The following KLB variants were observed in gnomAD, a reference collection of about 807,000 sequenced individuals.
The protein encoded by KLB is beta-klotho.
Under a neutral mutation model 88.4 loss-of-function variants are expected in KLB, and 44 were observed. That is an observed-to-expected ratio of 0.50 (90% confidence interval 0.39 to 0.64). KLB has a LOEUF of 0.64. Ranked by LOEUF, KLB falls within the 30% of genes least tolerant of loss-of-function variation. The pLI, the probability that KLB is intolerant of heterozygous loss-of-function variation, is 0.00. For synonymous variants in KLB, 548 were observed against 513.4 expected, an observed-to-expected ratio of 1.07 and a Z score of -0.91; for missense variants, 1,137 against 1,304.8, an observed-to-expected ratio of 0.87 and a Z score of 1.98.
intron 1 of KLB, among the ~76,000 whole-genome samples, chr4:39,418,756 T>G (rs1743015063): frequency 6.6e-6 from 1 of 151,488 alleles, no homozygotes; most frequent in Non-Finnish European, 1.5e-5. Context: ...AAGATTAGAC[T>G]GGCCTACATG....
intron 1 of KLB, among the ~76,000 whole-genome samples, chr4:39,428,406 C>G (rs1380089471): frequency 1.4e-5 from 2 of 137,982 alleles, no homozygotes; most frequent in Non-Finnish European, 3.1e-5. Context: ...CCAGCCTAGG[C>G]AACAAGAGTG....
Position 39,449,427 on chromosome 4 carries a change from C to T in KLB, c.*741C>T, listed in dbSNP as rs1743840756. 6.6e-6 allele frequency: 1 copy of T among 151,702 alleles called. No homozygotes were observed. The highest frequency in any genetic ancestry group is 2.1e-4 in the South Asian group (1 of 4,812). The allele number at this position is 151,702 out of a possible 1,614,324, so 9.4% of individuals were successfully genotyped here. A position where few individuals can be genotyped will look rare whatever the true frequency, so the allele number is the denominator to read the frequency against. On this transcript the variant is annotated 3_prime_UTR_variant, in exon 5 of 5. Transcript: ENST00000257408. ...TAGTCAGTGATAGATAATATATATT[C>T]TGTCACTTCTAATAAGGTGCCTTCT...
At position 39,446,694 on chromosome 4, in the gene KLB, G is replaced by C; in HGVS notation, c.1968G>C (p.Leu656Phe). 6.2e-7 allele frequency: 1 copy of C among 1,610,848 alleles called. No individual in the cohort carries two copies. The highest frequency in any genetic ancestry group is 8.5e-7 in the Non-Finnish European group (1 of 1,178,092). Residue 656 changes from leucine to phenylalanine, a missense_variant, in exon 4 of 5, where the codon TTG becomes TTC. Coordinates refer to ENST00000257408, the MANE Select transcript of KLB (RefSeq NM_175737.4). The surrounding 1 kb of genome is among the most constrained non-coding windows in gnomAD (Gnocchi z 6.4). Reference sequence around the variant, plus strand: ...ACCTAGGCCTCCCCGAGCCTCTGTTGCATGCCGACGGGTGGCTGAACCCAT... The same window carrying C: ...ACCTAGGCCTCCCCGAGCCTCTGTTCCATGCCGACGGGTGGCTGAACCCAT... ...HAHLGLPEPL[L>F]HADGWLNPST...
At position 39,446,861 on chromosome 4, in the gene KLB, C is replaced by T. The variant is rs1261267580; in HGVS notation, c.2135C>T (p.Ala712Val). The change falls in exon 4 of 5, where the codon GCG becomes GTG. Residue 712 changes from alanine (A) to valine (V), a missense_variant. By Grantham distance (64) the Ala-to-Val change is moderately conservative (BLOSUM62 0). Transcript: ENST00000257408. This position sits in a 1 kb window ranked among gnomAD's most constrained non-coding sequence, Gnocchi z 6.4. ...NRSGNDTYGA[A>V]HNLLVAHALA... ...TCTGGCAACGACACCTACGGGGCGG[C>T]GCACAACCTGCTGGTGGCCCACGCC... is the stretch of plus-strand genomic sequence containing the variant. The T allele has an allele frequency of 6.2e-7, 1 of 1,610,734 alleles. No individual in the cohort carries two copies. Among genetic ancestry groups the T allele is most frequent in the Non-Finnish European group, 8.5e-7 (1 of 1,179,910 alleles).
At chr4:39,419,965 G>A (rs1578203507) in intron 1 of KLB, among the ~76,000 whole-genome samples, 1 of 133,714 alleles carries the variant, frequency 7.5e-6, no homozygotes, top group Non-Finnish European at 1.6e-5. Context: ...AAAAAAAAAG[G>A]CTATTTTAAA....
At chr4:39,431,174 C>G (rs1171188306) in intron 1 of KLB, among the ~76,000 whole-genome samples, 1 of 150,892 alleles carries the variant, frequency 6.6e-6, no homozygotes, top group Non-Finnish European at 1.5e-5. Flanking sequence ...AAGCAATCTT[C>G]CCACCTTGGC....
At position 39,437,848 on chromosome 4, in the gene KLB, A is replaced by G; in HGVS notation, c.1458A>G (p.Lys486=). The G allele has an allele frequency of 6.2e-7, 1 of 1,614,178 alleles. No homozygotes were observed. Among genetic ancestry groups the G allele is most frequent in the African/African-American group, 1.3e-5 (1 of 75,046 alleles). ...RGLFYVDFNS[K]QKERKPKSSA... ...TATTTTATGTGGATTTTAACAGTAA[A>G]CAGAAAGAGCGGAAACCTAAGTCTT... The change falls in exon 3 of 5, where the codon AAA becomes AAG. Residue 486 remains lysine (K), a synonymous_variant. Coordinates refer to ENST00000257408, the MANE Select transcript of KLB (RefSeq NM_175737.4).
chr4:39,443,935 T>A (rs1743676779), intron 3 of KLB, among the ~76,000 whole-genome samples: 1 of 151,770 alleles, frequency 6.6e-6, no homozygotes, highest in Non-Finnish European at 1.5e-5. Flanking sequence ...GGTGGGTGGA[T>A]CACTTGAGGT....
rs1228042968 is a variant in KLB, at chr4:39,450,412, A to G, written c.*1726A>G. 1 of 152,246 alleles carries G rather than the reference A, an allele frequency of 6.6e-6. No homozygotes were observed. The highest frequency in any genetic ancestry group is 2.4e-5 in the African/African-American group (1 of 41,468). 9.4% of individuals were successfully genotyped at this position (152,246 alleles called of 1,614,324 possible). On this transcript the variant is annotated 3_prime_UTR_variant, in exon 5 of 5. Coordinates refer to ENST00000257408, the MANE Select transcript of KLB (RefSeq NM_175737.4). ...TCCACCTATGTCTGAAGCTAAATTC[A>G]GTATCTAACTGCTAATGAACAAGTT...
intron 1 of KLB, among the ~76,000 whole-genome samples, chr4:39,411,500 G>A (rs1742846833): frequency 6.7e-6 from 1 of 149,946 alleles, no homozygotes. Flanking sequence ...GAAATAGAAT[G>A]AGGATGTATT....
intron 2 of KLB, among the ~76,000 whole-genome samples, chr4:39,436,683 G>C (rs546882968): frequency 6.6e-6 from 1 of 152,046 alleles, no homozygotes; most frequent in East Asian, 1.9e-4. Context: ...TTGTTGTTTG[G>C]ACTGCTGTTG....
rs536711905 is a variant in KLB at position 39,451,208 on chromosome 4, G to C, written c.*2522G>C. On this transcript the variant is annotated 3_prime_UTR_variant, in exon 5 of 5. Transcript: ENST00000257408. ...CTGGCAAATATGTACAGCAAATTAG[G>C]TTAAGCATTTAATCTGGCTCATGCT... 1.3e-5 allele frequency: 2 copies of C among 152,264 alleles called. No homozygotes were observed. Among genetic ancestry groups the C allele is most frequent in the Admixed American group, 6.5e-5 (1 of 15,290 alleles). 9.4% of individuals were successfully genotyped at this position (152,264 alleles called of 1,614,324 possible).
intron 1 of KLB, among the ~76,000 whole-genome samples, chr4:39,421,659 G>A (rs985163108): frequency 6.6e-6 from 1 of 152,050 alleles, no homozygotes; most frequent in Admixed American, 6.6e-5. Flanking sequence ...AGAGACTGAC[G>A]CAGGAGAATT....
In KLB at chr4:39,447,339, G is replaced by A. The variant is rs747927314; in HGVS notation, c.2613G>A (p.Lys871=). The change falls in exon 4 of 5, where the codon AAG becomes AAA. Residue 871 remains lysine (K), a synonymous_variant. Transcript: ENST00000257408. ...CTGTGATTCCCTGGGGGGTGCGCAA[G>A]CTGCTGCGGTGGGTCCGGAGGAACT... The part of the protein sequence containing the change: ...RLAVIPWGVR[K]LLRWVRRNYG... The A allele has an allele frequency of 1.9e-6, 3 of 1,614,152 alleles. No homozygotes were observed. The highest frequency in any genetic ancestry group is 2.5e-6 in the Non-Finnish European group (3 of 1,180,038).
At chr4:39,430,737 A>G (rs1374749840) in intron 1 of KLB, among the ~76,000 whole-genome samples, 1 of 150,446 alleles carries the variant, frequency 6.6e-6, no homozygotes, top group Non-Finnish European at 1.5e-5. Flanking sequence ...AGTAGCTGGG[A>G]CTACAGGCGC....
chr4:39,435,422 AT>A (rs970629307), intron 2 of KLB, among the ~76,000 whole-genome samples: 7 of 136,444 alleles, frequency 5.1e-5, no homozygotes, highest in Non-Finnish European at 1.1e-4. Context: ...CCAGCCTGAA[AT>A]TTTTTTTTCT....
At chr4:39,413,310 C>T (rs1742894836) in intron 1 of KLB, among the ~76,000 whole-genome samples, 2 of 152,082 alleles carry the variant, frequency 1.3e-5, no homozygotes, top group Admixed American at 1.3e-4. Flanking sequence ...TTGTACATTT[C>T]CCTTTTAGAA....
chr4:39,429,328 G>A (rs1743287924), intron 1 of KLB, among the ~76,000 whole-genome samples: 1 of 152,172 alleles, frequency 6.6e-6, no homozygotes, highest in South Asian at 2.1e-4. Context: ...GTCCTGTCAT[G>A]TCTTCCTCTG....
chr4:39,417,392 G>A (rs772248471), intron 1 of KLB, among the ~76,000 whole-genome samples: 2 of 152,044 alleles, frequency 1.3e-5, no homozygotes, highest in South Asian at 2.1e-4. Flanking sequence ...TCAGCTCACC[G>A]TAACCTCAGC....
Sources: allele counts gnomAD v4.1 joint callset (sites outside exome capture counted in the v4.1 genomes callset), GRCh38; gene constraint gnomAD v4.1.1; non-coding constraint Gnocchi (gnomAD v3.1); transcripts MANE v1.5; gene names NCBI Gene and HGNC (gene_info 2026-07-23, HGNC 2026-07-21).